RPN2: variants seen among roughly 807,000 people sequenced by gnomAD.
RPN2 encodes dolichyl-diphosphooligosaccharide--protein glycosyltransferase subunit 2.
RPN2 carries 29 observed loss-of-function variants against 71.4 expected under a neutral mutation model. The ratio of observed to expected loss-of-function variants is 0.41; its 90% CI spans 0.30 to 0.55. RPN2 has a LOEUF of 0.55. Ranked by LOEUF, RPN2 falls within the 20% of genes least tolerant of loss-of-function variation. The probability of loss-of-function intolerance (pLI) is 0.35; values close to 1 mark genes in which losing one functional copy is unlikely to be tolerated. For synonymous variants in RPN2, 308 were observed against 305.0 expected (o/e 1.01, Z -0.10); for missense variants, 726 against 774.1 (o/e 0.94, Z 0.74).
intron 2 of RPN2, 117 bp from the exon 3 acceptor site, chr20:37,198,280 T>A (rs2076399): frequency 1.3e-6 from 2 of 1,567,924 alleles, no homozygotes; most frequent in African/African-American, 2.7e-5. Context: ...ACTAAATTCA[T>A]GTAGCTCATT....
chr20:37,213,835 T>G lies in RPN2; in HGVS notation c.1062T>G (p.Gly354=). The change falls in exon 9 of 17, where the codon GGT becomes GGG. Residue 354 remains glycine (G), a synonymous_variant. Transcript: ENST00000237530. ...GYYDFLVEVE[G]DNRYIANTVE... ...ATGACTTCCTTGTCGAAGTTGAAGGTGACAACCGGTATATTGCAAATACCG... is the reference window on the plus strand; with the variant it reads ...ATGACTTCCTTGTCGAAGTTGAAGGGGACAACCGGTATATTGCAAATACCG... The G allele has an allele frequency of 6.2e-7, 1 of 1,613,972 alleles. No homozygotes were observed.
intron 2 of RPN2, among the ~76,000 whole-genome samples, chr20:37,194,448 G>A (rs1273958146): frequency 1.3e-5 from 2 of 152,178 alleles, no homozygotes; most frequent in Non-Finnish European, 2.9e-5. Flanking sequence ...TTTTAGTAGA[G>A]ATGGAGTTTC....
At chr20:37,184,497 T>A in intron 2 of RPN2, 124 bp downstream of exon 2, 1 of 922,086 alleles carries the variant, frequency 1.1e-6, no homozygotes, top group Non-Finnish European at 1.7e-6. Context: ...GTTAATCCAA[T>A]ATAAGAAATA....
At chr20:37,208,472 C>T (rs939187365) in intron 7 of RPN2, among the ~76,000 whole-genome samples, 6 of 152,030 alleles carry the variant, frequency 3.9e-5, no homozygotes, top group Non-Finnish European at 7.4e-5. Context: ...TGCCGTGGTG[C>T]GATCATGGCC....
intron 16 of RPN2, among the ~76,000 whole-genome samples, chr20:37,237,059 C>G (rs1356114609): frequency 6.6e-6 from 1 of 152,088 alleles, no homozygotes; most frequent in East Asian, 1.9e-4. Context: ...GCCCTGCCCT[C>G]CCCACCCTCA....
chr20:37,184,055 C>A, intron 1 of RPN2, 125 bp from the exon 2 acceptor site: 1 of 1,146,132 alleles, frequency 8.7e-7, no homozygotes, highest in Non-Finnish European at 1.3e-6. Flanking sequence ...TCAGGTTAAA[C>A]CCCTGGATTC....
intron 1 of RPN2, among the ~76,000 whole-genome samples, chr20:37,182,094 A>T (rs1357013157): frequency 6.6e-6 from 1 of 151,612 alleles, no homozygotes; most frequent in African/African-American, 2.4e-5. Context: ...AATTTTATTT[A>T]TTTATTTTTA....
intron 4 of RPN2, among the ~76,000 whole-genome samples, chr20:37,199,559 G>A (rs558066208): frequency 1.3e-5 from 2 of 152,254 alleles, no homozygotes; most frequent in South Asian, 4.2e-4. Flanking sequence ...AAGGAGCCAC[G>A]TGCATGTCTT....
At chr20:37,189,617 A>T (rs1054520130) in intron 2 of RPN2, among the ~76,000 whole-genome samples, 13 of 152,322 alleles carry the variant, frequency 8.5e-5, no homozygotes, top group African/African-American at 2.9e-4. Context: ...TTACACTCTT[A>T]TAAACCCTAA....
chr20:37,231,723 G>A (rs3067011), intron 13 of RPN2, among the ~76,000 whole-genome samples: 6,109 of 61,144 alleles, frequency 0.1, 443 homozygotes, highest in African/African-American at 0.26. Context: ...TTAAAAAAAA[G>A]AAAAAGAAAT....
At chr20:37,194,074 C>T (rs1600752836) in intron 2 of RPN2, among the ~76,000 whole-genome samples, 1 of 152,108 alleles carries the variant, frequency 6.6e-6, no homozygotes, top group South Asian at 2.1e-4. Flanking sequence ...TCGGTCTGTC[C>T]ATTGTTGAGG....
intron 15 of RPN2, among the ~76,000 whole-genome samples, chr20:37,236,243 C>T (rs1021624963): frequency 6.6e-6 from 1 of 152,024 alleles, no homozygotes; most frequent in African/African-American, 2.4e-5. Context: ...CAGACATGGA[C>T]CATTACGCCT....
chr20:37,222,352 A>G (rs2067980123), intron 9 of RPN2, among the ~76,000 whole-genome samples: 2 of 152,224 alleles, frequency 1.3e-5, no homozygotes, highest in South Asian at 4.1e-4. Context: ...TGAATTCAAA[A>G]GTAGATGGTA....
intron 4 of RPN2, among the ~76,000 whole-genome samples, chr20:37,201,898 G>A (rs80007157): frequency 0.012 from 1,880 of 152,296 alleles, 37 homozygotes; most frequent in African/African-American, 0.043. Context: ...TGAACCACCT[G>A]AGAAGATCTC....
rs1470797290 is a variant in RPN2 at position 37,223,986 on chromosome 20, C to T, written c.1184+17C>T. The T allele has an allele frequency of 1.2e-6, 2 of 1,605,882 alleles. No individual in the cohort carries two copies. The highest frequency in any genetic ancestry group is 2.7e-5 in the African/African-American group (2 of 74,758). ...AACTACCCGGTAGGTGAGATGCCAC[C>T]TGATCACTCAGGGAGCTGAGGCTCA... On this transcript the variant is annotated intron_variant, in intron 10 of 16. Coordinates refer to ENST00000237530, the MANE Select transcript of RPN2 (RefSeq NM_002951.5).
intron 9 of RPN2, among the ~76,000 whole-genome samples, chr20:37,219,960 G>A (rs1458436663): frequency 6.6e-6 from 1 of 152,154 alleles, no homozygotes; most frequent in Non-Finnish European, 1.5e-5. Flanking sequence ...TACTGTAACA[G>A]CTTGGCATTT....
At chr20:37,198,625 A>AT (rs146714866) in intron 3 of RPN2, 133 bp downstream of exon 3, 28,006 of 1,138,634 alleles carry the variant, frequency 0.025, 68 homozygotes, top group East Asian at 0.073. Context: ...CATTCCTGTG[A>AT]TTTTTTTTTT....
At chr20:37,207,802 C>G (rs1412651223) in intron 7 of RPN2, among the ~76,000 whole-genome samples, 1 of 152,138 alleles carries the variant, frequency 6.6e-6, no homozygotes, top group African/African-American at 2.4e-5. Context: ...GTGCCTCAGT[C>G]TCCCAAGTAG....
At chr20:37,188,851 C>T (rs1360084557) in intron 2 of RPN2, among the ~76,000 whole-genome samples, 3 of 151,552 alleles carry the variant, frequency 2.0e-5, no homozygotes, top group Non-Finnish European at 4.4e-5. Flanking sequence ...TCAAACTCCT[C>T]GGGTCAAGCC....
Sources: allele counts gnomAD v4.1 joint callset (sites outside exome capture counted in the v4.1 genomes callset), GRCh38; gene constraint gnomAD v4.1.1; transcripts MANE v1.5; gene names NCBI Gene and HGNC (gene_info 2026-07-23, HGNC 2026-07-21).